The following ING4 variants were observed in gnomAD, a reference collection of about 807,000 sequenced individuals.
The protein encoded by ING4 is inhibitor of growth family member 4.
In ING4, 28 loss-of-function variants were observed where a neutral mutation model predicts 33.1. The ratio of observed to expected loss-of-function variants is 0.85; its 90% CI spans 0.63 to 1.16. The LOEUF is 1.16. Ranked by LOEUF, ING4 falls within the 50% of genes most tolerant of loss-of-function variation. The pLI is 0.00. For missense variants in ING4, 247 were observed against 314.7 expected (o/e 0.78, Z 1.63); for synonymous variants, 87 against 104.4 (o/e 0.83, Z 1.02).
At chr12:6,658,326 ATCCTCTAT>A (rs1388502167) in intron 1 of ING4, among the ~76,000 whole-genome samples, 2 of 152,098 alleles carry the variant, frequency 1.3e-5, no homozygotes, top group African/African-American at 2.4e-5. Flanking sequence ...GTCTCCTGGT[ATCCTCTAT>A]TATACACATA....
intron 2 of ING4, among the ~76,000 whole-genome samples, chr12:6,654,460 G>A (rs1422776722): frequency 1.3e-5 from 2 of 151,548 alleles, no homozygotes; most frequent in African/African-American, 4.9e-5. Context: ...AGCCTCTGGA[G>A]TAGCTGGGAC....
intron 1 of ING4, among the ~76,000 whole-genome samples, chr12:6,661,971 G>A (rs1949569184): frequency 6.6e-6 from 1 of 152,126 alleles, no homozygotes; most frequent in South Asian, 2.1e-4. Context: ...ACTTTAAAAT[G>A]CAAACTTCTT....
At chr12:6,654,331 C>G (rs1265613384) in intron 2 of ING4, among the ~76,000 whole-genome samples, 14 of 138,984 alleles carry the variant, frequency 1.0e-4, no homozygotes, top group Admixed American at 8.7e-4. Context: ...CTCTATTTTT[C>G]TTTTTTTTTT....
chr12:6,659,153 C>T (rs1179699463), intron 1 of ING4, among the ~76,000 whole-genome samples: 7 of 152,318 alleles, frequency 4.6e-5, no homozygotes, highest in East Asian at 1.9e-4. Flanking sequence ...TGGCTGGGTG[C>T]GGTGGCCCAT....
chr12:6,655,624 A>C (rs1340629180), intron 2 of ING4: 7 of 1,128,470 alleles, frequency 6.2e-6, no homozygotes, highest in Non-Finnish European at 7.7e-6. Flanking sequence ...CAAAAAAAGC[A>C]ATCTGGTTCT....
chr12:6,655,368 T>C (rs1949322460), intron 2 of ING4, among the ~76,000 whole-genome samples: 1 of 152,190 alleles, frequency 6.6e-6, no homozygotes, highest in African/African-American at 2.4e-5. Flanking sequence ...ATTGGAAGAA[T>C]GGTAATGTCC....
chr12:6,651,054 G>T lies in ING4; in HGVS notation c.*141C>A, dbSNP rs1471194996. ...CTGATGCAGCCTCAGCACCGGGAGT[G>T]GGGAGAGGGGAGGAGAAGGGATGAC... On this transcript the variant is annotated 3_prime_UTR_variant, in exon 8 of 8. Transcript: ENST00000341550. The T allele has an allele frequency of 2.2e-6, 2 of 910,676 alleles. No individual in the cohort carries two copies. The highest frequency in any genetic ancestry group is 3.5e-6 in the Non-Finnish European group (2 of 576,230). The allele number at this position is 910,676 out of a possible 1,614,324, so 56.4% of individuals were successfully genotyped here. A position where few individuals can be genotyped will look rare whatever the true frequency, so the allele number is the denominator to read the frequency against.
At chr12:6,654,500 T>G (rs1949289202) in intron 2 of ING4, among the ~76,000 whole-genome samples, 1 of 151,644 alleles carries the variant, frequency 6.6e-6, no homozygotes, top group Non-Finnish European at 1.5e-5. Context: ...ACCCTGATAA[T>G]TTTTTTAAAA....
At chr12:6,660,737 C>G (rs1949520990) in intron 1 of ING4, among the ~76,000 whole-genome samples, 1 of 152,174 alleles carries the variant, frequency 6.6e-6, no homozygotes, top group South Asian at 2.1e-4. Flanking sequence ...GGTGATTTAC[C>G]AAATCTAATG....
At chr12:6,651,785 G>A (rs914963540) in intron 6 of ING4, among the ~76,000 whole-genome samples, 4 of 150,940 alleles carry the variant, frequency 2.7e-5, no homozygotes, top group African/African-American at 4.9e-5. Context: ...CAAGTGATCT[G>A]CTCACCTTGG....
chr12:6,656,598 A>C, intron 2 of ING4, 129 bp downstream of exon 2: 5 of 661,848 alleles, frequency 7.6e-6, no homozygotes, highest in South Asian at 7.3e-5. Context: ...AAGAATTCCA[A>C]GAGCGTAAAA....
chr12:6,656,176 T>C (rs912531279), intron 2 of ING4, among the ~76,000 whole-genome samples: 1 of 151,678 alleles, frequency 6.6e-6, no homozygotes, highest in Non-Finnish European at 1.5e-5. Flanking sequence ...TTCTTCTTTT[T>C]TTTTTTTTTT....
intron 6 of ING4, 45 bp from the exon 7 acceptor site, chr12:6,651,430 A>G (rs1183229530): frequency 6.6e-7 from 1 of 1,524,088 alleles, no homozygotes; most frequent in Non-Finnish European, 9.1e-7. Flanking sequence ...GAAGGGCCAG[A>G]GGAAGGAGAG....
chr12:6,651,067 G>A lies in ING4; in HGVS notation c.*128C>T. 9.6e-7 allele frequency: 1 copy of A among 1,040,530 alleles called. No individual in the cohort carries two copies. Among genetic ancestry groups the A allele is most frequent in the Non-Finnish European group, 1.5e-6 (1 of 685,574 alleles). The allele number at this position is 1,040,530 out of a possible 1,614,324, so 64.5% of individuals were successfully genotyped here. ...AGCACCGGGAGTGGGGAGAGGGGAG[G>A]AGAAGGGATGACAGCACTGTGCCAT... On this transcript the variant is annotated 3_prime_UTR_variant, in exon 8 of 8. Coordinates refer to ENST00000341550, the MANE Select transcript of ING4 (RefSeq NM_016162.4).
At chr12:6,654,331 CTT>C (rs1238643921) in intron 2 of ING4, among the ~76,000 whole-genome samples, 57 of 138,804 alleles carry the variant, frequency 4.1e-4, no homozygotes, top group Admixed American at 4.4e-4. Context: ...CTCTATTTTT[CTT>C]TTTTTTTTTT....
intron 1 of ING4, among the ~76,000 whole-genome samples, chr12:6,661,121 G>A (rs764591616): frequency 3.4e-5 from 5 of 146,504 alleles, no homozygotes; most frequent in Admixed American, 6.8e-5. Context: ...TTTTTGAGGC[G>A]GAGTCTCACT....
chr12:6,659,831 T>C (rs1245061749), intron 1 of ING4, among the ~76,000 whole-genome samples: 1 of 133,576 alleles, frequency 7.5e-6, no homozygotes, highest in Non-Finnish European at 1.6e-5. Context: ...AAAAAAAAAA[T>C]AGATGGGCAT....
At chr12:6,656,908 C>T (rs1949371101) in intron 1 of ING4, 110 bp from the exon 2 acceptor site, 1 of 627,276 alleles carries the variant, frequency 1.6e-6, no homozygotes, top group African/African-American at 1.9e-5. Flanking sequence ...AATCCCAGCA[C>T]TTTGGGAGGC....
chr12:6,651,026 G>A lies in ING4; in HGVS notation c.*169C>T. The stretch of plus-strand genomic sequence containing the variant: ...TGGCTGCGGCACCCCTCCCTACCAG[G>A]GTCTGATGCAGCCTCAGCACCGGGA... On this transcript the variant is annotated 3_prime_UTR_variant, in exon 8 of 8. Coordinates refer to ENST00000341550, the MANE Select transcript of ING4 (RefSeq NM_016162.4). The A allele has an allele frequency of 1.4e-6, 1 of 729,466 alleles. No individual in the cohort carries two copies. The allele number at this position is 729,466 out of a possible 1,614,324, so 45.2% of individuals were successfully genotyped here.
Sources: allele counts gnomAD v4.1 joint callset (sites outside exome capture counted in the v4.1 genomes callset), GRCh38; gene constraint gnomAD v4.1.1; transcripts MANE v1.5; gene names NCBI Gene and HGNC (gene_info 2026-07-23, HGNC 2026-07-21).